Variants in ANK2 observed in about 807,000 individuals in gnomAD.
The protein encoded by ANK2 is ankyrin-2.
ANK2 carries 83 observed loss-of-function variants against 360.5 expected under a neutral mutation model. The observed-to-expected ratio is 0.23, with a 90% CI of 0.19 to 0.28. The LOEUF is 0.28. ANK2 is among the 10% of genes least tolerant of loss of function. The pLI is 1.00. For missense variants in ANK2, 4,201 were observed against 4,795.7 expected (o/e 0.88, Z 3.66); for synonymous variants, 1,740 against 1,759.5 (o/e 0.99, Z 0.28).
intron 1 of ANK2, among the ~76,000 whole-genome samples, chr4:113,102,985 A>C (rs1350080236): frequency 1.3e-5 from 2 of 152,194 alleles, no homozygotes; most frequent in Non-Finnish European, 2.9e-5. Flanking sequence ...GACAAAAGTT[A>C]ATGCAACATG....
intron 1 of ANK2, among the ~76,000 whole-genome samples, chr4:112,850,781 G>T (rs573086288): frequency 2.1e-4 from 32 of 151,998 alleles, no homozygotes; most frequent in African/African-American, 6.8e-4. Flanking sequence ...CTCCCAAAGT[G>T]CTGGGAGTAT....
intron 1 of ANK2, among the ~76,000 whole-genome samples, chr4:113,113,581 G>C (rs1349727776): frequency 6.6e-6 from 1 of 152,202 alleles, no homozygotes; most frequent in Non-Finnish European, 1.5e-5. Flanking sequence ...TTTGAAGGCA[G>C]ACACAAGTTT....
intron 1 of ANK2, among the ~76,000 whole-genome samples, chr4:113,134,359 A>G (rs888655637): frequency 5.6e-4 from 81 of 144,454 alleles, no homozygotes; most frequent in African/African-American, 2.1e-3. Context: ...AAAATGAAAA[A>G]GGAGGGCTAC....
intron 2 of ANK2, among the ~76,000 whole-genome samples, chr4:112,945,753 G>A (rs1476075906): frequency 6.6e-6 from 1 of 152,156 alleles, no homozygotes; most frequent in Non-Finnish European, 1.5e-5. Flanking sequence ...ATGAGTGATG[G>A]TTGTCTTATA....
At chr4:112,851,911 C>T (rs527369755) in intron 1 of ANK2, among the ~76,000 whole-genome samples, 7 of 152,306 alleles carry the variant, frequency 4.6e-5, no homozygotes, top group Admixed American at 1.3e-4. Context: ...CCTGAGCCAC[C>T]GCACCTGGCC....
intron 1 of ANK2, among the ~76,000 whole-genome samples, chr4:113,119,171 A>G (rs2095141670): frequency 2.0e-5 from 3 of 152,128 alleles, no homozygotes; most frequent in East Asian, 3.9e-4. Context: ...TGGTCTTCAC[A>G]TGTAGATATT....
At chr4:113,039,810 C>A (rs1418367155) in intron 2 of ANK2, among the ~76,000 whole-genome samples, 1 of 151,884 alleles carries the variant, frequency 6.6e-6, no homozygotes, top group Non-Finnish European at 1.5e-5. Flanking sequence ...CATTGGGATT[C>A]TTTGTCTTCT....
At chr4:112,771,820 C>T in the ANK2 span, among the ~76,000 whole-genome samples, 1 of 152,016 alleles carries the variant, frequency 6.6e-6, no homozygotes. Flanking sequence ...CTCCTGACCT[C>T]GTGATCCACC....
chr4:112,918,023 A>G (rs182502503), intron 2 of ANK2, among the ~76,000 whole-genome samples: 2 of 152,242 alleles, frequency 1.3e-5, no homozygotes, highest in East Asian at 3.9e-4. Flanking sequence ...GGGCCTGCTT[A>G]TTGCTTCCCT....
chr4:113,126,105 G>C (rs991075277), intron 1 of ANK2, among the ~76,000 whole-genome samples: 4 of 152,146 alleles, frequency 2.6e-5, no homozygotes, highest in African/African-American at 9.7e-5. Context: ...GGTTCCCTGA[G>C]AACCACAGTT....
intron 7 of ANK2, among the ~76,000 whole-genome samples, chr4:113,239,288 G>A (rs2099406853): frequency 6.6e-6 from 1 of 152,094 alleles, no homozygotes; most frequent in South Asian, 2.1e-4. Context: ...GCTACAGTAA[G>A]AGCACAAATT....
At chr4:112,806,133 G>T in the ANK2 span, among the ~76,000 whole-genome samples, 2 of 152,010 alleles carry the variant, frequency 1.3e-5, no homozygotes, top group Middle Eastern at 3.4e-3. Flanking sequence ...TAACCCTATT[G>T]TGTTATCAAA....
chr4:112,986,914 A>G (rs781432676), intron 2 of ANK2, among the ~76,000 whole-genome samples: 12 of 152,162 alleles, frequency 7.9e-5, no homozygotes, highest in Non-Finnish European at 1.5e-4. Flanking sequence ...CATATATCCA[A>G]TTCCATTTTT....
the ANK2 span, among the ~76,000 whole-genome samples, chr4:112,784,960 A>C: frequency 6.6e-6 from 1 of 152,214 alleles, no homozygotes; most frequent in African/African-American, 2.4e-5. Context: ...GTTGAGCTGG[A>C]AAATGTTTAC....
At chr4:113,049,633 T>C, upstream of ANK2, 2 of 1,148,198 alleles carry the variant, frequency 1.7e-6, no homozygotes, top group Non-Finnish European at 2.4e-6. Context: ...CCCCTCCTCC[T>C]CCTCCTGCTT....
intron 1 of ANK2, among the ~76,000 whole-genome samples, chr4:112,899,978 T>A (rs1383035781): frequency 2.6e-5 from 4 of 152,166 alleles, no homozygotes; most frequent in Non-Finnish European, 5.9e-5. Flanking sequence ...ATTTTGGTGT[T>A]GTTTTTGTAT....
intron 2 of ANK2, among the ~76,000 whole-genome samples, chr4:113,009,137 C>T (rs1158618439): frequency 6.6e-6 from 1 of 152,104 alleles, no homozygotes; most frequent in Non-Finnish European, 1.5e-5. Context: ...GAACACTGTT[C>T]TGTTTAGGTT....
chr4:113,284,722 T>C (rs1203428609), intron 18 of ANK2, among the ~76,000 whole-genome samples: 5 of 152,184 alleles, frequency 3.3e-5, no homozygotes, highest in Non-Finnish European at 7.3e-5. Flanking sequence ...CATAGTATGT[T>C]TATCACTAGA....
intron 1 of ANK2, among the ~76,000 whole-genome samples, chr4:113,056,110 G>A (rs187869824): frequency 2.0e-5 from 3 of 152,254 alleles, no homozygotes; most frequent in East Asian, 1.9e-4. Flanking sequence ...TAGACAACAT[G>A]TTGGACTTTG....
Sources: allele counts gnomAD v4.1 joint callset (sites outside exome capture counted in the v4.1 genomes callset), GRCh38; gene constraint gnomAD v4.1.1; transcripts MANE v1.5; gene names NCBI Gene and HGNC (gene_info 2026-07-23, HGNC 2026-07-21).